PLCH1: variants seen among roughly 807,000 people sequenced by gnomAD.
The protein encoded by PLCH1 is phospholipase C eta 1.
Under a neutral mutation model 126.7 loss-of-function variants are expected in PLCH1, and 60 were observed. That is an observed-to-expected ratio of 0.47 (90% CI 0.38 to 0.59). The LOEUF is 0.59. PLCH1 is among the 20% of genes least tolerant of loss of function. PLCH1 has a pLI of 0.00. For missense variants in PLCH1, 1,723 were observed against 2,040.0 expected (o/e 0.84, Z 2.99); for synonymous variants, 719 against 734.9 (o/e 0.98, Z 0.35).
chr3:155,722,785 T>C (rs1270842747), intron 1 of PLCH1, among the ~76,000 whole-genome samples: 1 of 152,212 alleles, frequency 6.6e-6, no homozygotes. Flanking sequence ...TGATTTTCTT[T>C]TTTTGGTATG....
At chr3:155,624,981 G>A (rs146534888) in intron 2 of PLCH1, among the ~76,000 whole-genome samples, 5 of 152,112 alleles carry the variant, frequency 3.3e-5, no homozygotes, top group African/African-American at 7.2e-5. Flanking sequence ...CATGGTACCT[G>A]ACTTCAAACT....
chr3:155,563,148 G>A (rs1727858713), intron 8 of PLCH1, among the ~76,000 whole-genome samples: 3 of 151,960 alleles, frequency 2.0e-5, no homozygotes, highest in South Asian at 2.1e-4. Flanking sequence ...ACTCCTAATC[G>A]TTGTATTGCT....
intron 2 of PLCH1, among the ~76,000 whole-genome samples, chr3:155,636,859 T>C (rs886356891): frequency 2.0e-5 from 3 of 152,150 alleles, no homozygotes; most frequent in Non-Finnish European, 4.4e-5. Context: ...AGTGTAGATA[T>C]ATTGAAAAAA....
chr3:155,540,685 C>T (rs910173951), intron 10 of PLCH1, among the ~76,000 whole-genome samples: 1 of 152,098 alleles, frequency 6.6e-6, no homozygotes, highest in African/African-American at 2.4e-5. Context: ...ATCAAAACCA[C>T]AATGCAATAC....
intron 2 of PLCH1, among the ~76,000 whole-genome samples, chr3:155,628,404 C>T (rs1023296264): frequency 6.7e-6 from 1 of 148,968 alleles, no homozygotes; most frequent in African/African-American, 2.5e-5. Context: ...CACAGAGACA[C>T]CAAGAGGAAT....
At chr3:155,702,788 C>T (rs182591017) in intron 2 of PLCH1, among the ~76,000 whole-genome samples, 25 of 152,250 alleles carry the variant, frequency 1.6e-4, no homozygotes, top group African/African-American at 6.0e-4. Context: ...ATCATATTTA[C>T]TATTTTTTAA....
At chr3:155,674,131 C>T (rs1256582896) in intron 2 of PLCH1, among the ~76,000 whole-genome samples, 1 of 152,172 alleles carries the variant, frequency 6.6e-6, no homozygotes, top group Non-Finnish European at 1.5e-5. Context: ...ATGCCTCAAG[C>T]TTGCTCCTGC....
chr3:155,596,302 G>T lies in PLCH1; in HGVS notation c.156C>A (p.Arg52=), dbSNP rs1326647869. ...KLKRGTKGLV[R]LFYLDEHRTR... ...TCCGGTGCTCATCCAGGTAAAAGAG[G>T]CGGACAAGCCCTTTGGTTCCACGTT... The change falls in exon 3 of 23, where the codon CGC becomes CGA. Residue 52 remains arginine (R), a synonymous_variant. Transcript: ENST00000460012. 1.2e-6 allele frequency: 2 copies of T among 1,613,004 alleles called. No individual in the cohort carries two copies. The highest frequency in any genetic ancestry group is 2.2e-5 in the East Asian group (1 of 44,876).
chr3:155,586,977 A>G (rs138296652), intron 4 of PLCH1, among the ~76,000 whole-genome samples: 24 of 152,352 alleles, frequency 1.6e-4, no homozygotes, highest in African/African-American at 5.8e-4. Context: ...CACACCTCCA[A>G]TAGCAAACTC....
At chr3:155,648,934 AGG>A (rs1740368108) in intron 2 of PLCH1, among the ~76,000 whole-genome samples, 1 of 152,180 alleles carries the variant, frequency 6.6e-6, no homozygotes, top group Admixed American at 6.5e-5. Context: ...ATGCCCAGGG[AGG>A]GGAGGCAGGG....
intron 2 of PLCH1, among the ~76,000 whole-genome samples, chr3:155,618,577 G>T (rs1442691831): frequency 6.6e-6 from 1 of 152,078 alleles, no homozygotes; most frequent in Non-Finnish European, 1.5e-5. Context: ...CTAAAAGTCT[G>T]TTTGCCTTAC....
intron 2 of PLCH1, among the ~76,000 whole-genome samples, chr3:155,669,550 C>T (rs984072889): frequency 6.6e-6 from 1 of 152,198 alleles, no homozygotes; most frequent in Admixed American, 6.5e-5. Flanking sequence ...TGCACTCTAG[C>T]TTGGACAACA....
chr3:155,739,734 C>A (rs1363871882), intron 1 of PLCH1, among the ~76,000 whole-genome samples: 2 of 152,194 alleles, frequency 1.3e-5, no homozygotes, highest in Non-Finnish European at 2.9e-5. Context: ...GGTTCAAATT[C>A]CAAGTCTGTT....
intron 21 of PLCH1, among the ~76,000 whole-genome samples, chr3:155,474,001 A>G (rs1274458395): frequency 6.6e-6 from 1 of 151,864 alleles, no homozygotes; most frequent in Admixed American, 6.6e-5. Flanking sequence ...ATTACCATTC[A>G]GGACATAGGC....
In PLCH1 at chr3:155,485,406, A is replaced by G; in HGVS notation, c.2924T>C (p.Leu975Pro). The G allele has an allele frequency of 1.2e-6, 2 of 1,610,142 alleles. No homozygotes were observed. Among genetic ancestry groups the G allele is most frequent in the Non-Finnish European group, 1.7e-6 (2 of 1,176,526 alleles). Reference protein sequence around the residue: ...VDRNLLGALSLPVSETAKDIE... With the variant: ...VDRNLLGALSPPVSETAKDIE... ...GTCTTTTGCTGTTTCAGATACAGGCAGCGACAAAGCTCCCAGAAGGTTTCT... is the reference window on the plus strand; with the variant it reads ...GTCTTTTGCTGTTTCAGATACAGGCGGCGACAAAGCTCCCAGAAGGTTTCT... Residue 975 changes from leucine to proline, a missense_variant, in exon 22 of 23, where the codon CTG (leucine) becomes CCG (proline). By Grantham distance (98) the Leu-to-Pro change is moderately conservative (BLOSUM62 -3). Around this residue, in one of 2 missense-constraint regions of PLCH1, gnomAD observed 947 missense variants for 977.1 expected, o/e 0.97. Coordinates refer to ENST00000460012, the MANE Select transcript of PLCH1 (RefSeq NM_014996.4).
At chr3:155,451,794 G>T (rs1023868254) in intron 21 of PLCH1, among the ~76,000 whole-genome samples, 18 of 152,060 alleles carry the variant, frequency 1.2e-4, no homozygotes, top group Non-Finnish European at 1.8e-4. Flanking sequence ...CTGCTTTTGG[G>T]CCTAAATTCA....
At chr3:155,674,881 AGAC>A (rs1687762962) in intron 2 of PLCH1, among the ~76,000 whole-genome samples, 1 of 152,214 alleles carries the variant, frequency 6.6e-6, no homozygotes, top group Non-Finnish European at 1.5e-5. Flanking sequence ...GTGTAAAGCA[AGAC>A]GACCCTGATA....
chr3:155,673,048 CTTTTTTTTTTTTT>C lies in PLCH1; in HGVS notation c.79+31085_79+31097del, dbSNP rs66672315. Among the ~76,000 whole-genome samples, 168 of 68,250 alleles carry C rather than the reference CTTTTTTTTTTTTT, an allele frequency of 2.5e-3. 5 individuals carry two copies. The East Asian group carries it at 0.066, about 27-fold the overall frequency. 44.8% of individuals were successfully genotyped at this position (68,250 alleles called of 152,430 possible). A position where few individuals can be genotyped will look rare whatever the true frequency, so the allele number is the denominator to read the frequency against. ...TCCCCAGCTTAAAACCTTCTGTTGC[CTTTTTTTTTTTTT>C]TTTTTTTTTTTTTGGTAATAATGTC... On this transcript the variant is annotated intron_variant, in intron 2 of 22. Coordinates refer to ENST00000460012, the MANE Select transcript of PLCH1 (RefSeq NM_014996.4).
At chr3:155,736,854 A>G (rs1749215171) in intron 1 of PLCH1, among the ~76,000 whole-genome samples, 1 of 152,074 alleles carries the variant, frequency 6.6e-6, no homozygotes, top group Non-Finnish European at 1.5e-5. Context: ...TGAAACCCAT[A>G]TATTCTCTTT....
Sources: gnomAD v4.1 joint callset for allele counts (sites outside exome capture counted in the v4.1 genomes callset) on GRCh38, gnomAD v4.1.1 for gene constraint, gnomAD v4.1.1 regional missense constraint, MANE v1.5 for transcripts, NCBI Gene and HGNC (gene_info 2026-07-23, HGNC 2026-07-21) for gene names.